The following IL1RAPL2 variants were observed in gnomAD, a reference collection of about 807,000 sequenced individuals.
The protein encoded by IL1RAPL2 is X-linked interleukin-1 receptor accessory protein-like 2.
IL1RAPL2 carries 3 observed loss-of-function variants against 44.1 expected under a neutral mutation model. That is an observed-to-expected ratio of 0.07 (90% CI 0.03 to 0.18). The LOEUF (loss-of-function observed/expected upper bound fraction) is 0.18. Among genes scored for constraint, IL1RAPL2 ranks in the 10% least tolerant of loss-of-function variants. The pLI, the probability that IL1RAPL2 is intolerant of heterozygous loss-of-function variation, is 1.00. For missense variants in IL1RAPL2, 391 were observed against 496.4 expected, an observed-to-expected ratio of 0.79 and a Z score of 2.02; for synonymous variants, 181 against 178.8, an observed-to-expected ratio of 1.01 and a Z score of -0.10.
chrX:105,351,785 TAAA>T (rs988032618), intron 5 of IL1RAPL2, among the ~76,000 whole-genome samples: 7 of 111,029 alleles, frequency 6.3e-5, no homozygotes. Flanking sequence ...ATAATAATAA[TAAA>T]AAAAATCTTG....
chrX:104,950,096 G>T (rs756020489), intron 2 of IL1RAPL2, among the ~76,000 whole-genome samples: 19 of 111,447 alleles, frequency 1.7e-4, no homozygotes, highest in Non-Finnish European at 3.4e-4. Flanking sequence ...TTATGAATCT[G>T]GGTGCTCCTG....
intron 2 of IL1RAPL2, among the ~76,000 whole-genome samples, chrX:104,881,919 A>G (rs1923080552): frequency 8.9e-6 from 1 of 112,062 alleles, no homozygotes; most frequent in Non-Finnish European, 1.9e-5. Flanking sequence ...ACTCACAAAT[A>G]AGTGAACTAA....
chrX:105,281,941 A>C (rs2034535856), intron 5 of IL1RAPL2, among the ~76,000 whole-genome samples: 1 of 111,763 alleles, frequency 8.9e-6, no homozygotes, highest in African/African-American at 3.3e-5. Flanking sequence ...GGTCTAAGAC[A>C]AATTGCTGTT....
chrX:105,363,308 A>ATATATATATATATAATATATT (rs1491419366), intron 5 of IL1RAPL2, among the ~76,000 whole-genome samples: 5 of 68,565 alleles, frequency 7.3e-5, no homozygotes, highest in African/African-American at 6.4e-4. Context: ...ATATATATAT[A>ATATATATATATATAATATATT]ATATATATAT....
intron 3 of IL1RAPL2, chrX:105,219,643 G>C (rs1556177117): frequency 5.0e-6 from 6 of 1,208,491 alleles, no homozygotes; most frequent in Non-Finnish European, 1.1e-6. Context: ...AGCACCAGCA[G>C]CAGCCACCGC....
At chrX:104,658,273 T>A (rs1208417422) in intron 1 of IL1RAPL2, among the ~76,000 whole-genome samples, 2 of 112,365 alleles carry the variant, frequency 1.8e-5, no homozygotes, top group Admixed American at 1.9e-4. Flanking sequence ...CACCATGGAA[T>A]ACTGTGCAGC....
At chrX:105,232,472 A>G (rs1264877526) in intron 3 of IL1RAPL2, among the ~76,000 whole-genome samples, 1 of 111,941 alleles carries the variant, frequency 8.9e-6, no homozygotes, top group Admixed American at 9.5e-5. Context: ...GTATCCCTTG[A>G]TGTTTAAAAC....
chrX:104,592,324 G>A (rs73635148), intron 1 of IL1RAPL2, among the ~76,000 whole-genome samples: 234 of 109,674 alleles, frequency 2.1e-3, no homozygotes, highest in African/African-American at 7.3e-3. Flanking sequence ...GCCTGTACAC[G>A]TCTTCTTCCC....
At chrX:105,593,334 T>C (rs1399767644) in intron 6 of IL1RAPL2, among the ~76,000 whole-genome samples, 1 of 111,939 alleles carries the variant, frequency 8.9e-6, no homozygotes, top group Non-Finnish European at 1.9e-5. Context: ...TATCATTTTA[T>C]TGGATTCATT....
intron 2 of IL1RAPL2, among the ~76,000 whole-genome samples, chrX:104,851,821 A>G (rs1452128486): frequency 8.9e-6 from 1 of 111,940 alleles, no homozygotes; most frequent in Non-Finnish European, 1.9e-5. Context: ...AAGGTCAAAC[A>G]GGATTCTGAT....
chrX:104,923,991 T>A (rs1924710256), intron 2 of IL1RAPL2, among the ~76,000 whole-genome samples: 2 of 102,231 alleles, frequency 2.0e-5, no homozygotes, highest in East Asian at 3.1e-4. Context: ...GGAAAACAAA[T>A]GAGAGAAGGG....
intron 1 of IL1RAPL2, among the ~76,000 whole-genome samples, chrX:104,578,405 A>G (rs1928281146): frequency 1.8e-5 from 2 of 112,140 alleles, no homozygotes; most frequent in African/African-American, 3.2e-5. Context: ...ACATGAAGGC[A>G]GTGATAGAAG....
At chrX:105,613,251 G>A (rs1602489467) in intron 6 of IL1RAPL2, among the ~76,000 whole-genome samples, 1 of 111,446 alleles carries the variant, frequency 9.0e-6, no homozygotes, top group South Asian at 3.8e-4. Context: ...TGCCTTGAAG[G>A]GAAGGACACG....
chrX:104,973,014 T>G (rs1223436899), intron 2 of IL1RAPL2, among the ~76,000 whole-genome samples: 3 of 112,136 alleles, frequency 2.7e-5, no homozygotes, highest in Non-Finnish European at 5.6e-5. Context: ...ATTTAAGTGG[T>G]GGCAGTATTT....
chrX:104,854,323 C>T (rs1257643348), intron 2 of IL1RAPL2, among the ~76,000 whole-genome samples: 1 of 110,930 alleles, frequency 9.0e-6, no homozygotes, highest in Non-Finnish European at 1.9e-5. Context: ...AAAGAAAAGA[C>T]TCATTCAAAA....
At chrX:105,695,926 A>G (rs1012812136) in intron 6 of IL1RAPL2, among the ~76,000 whole-genome samples, 1 of 112,183 alleles carries the variant, frequency 8.9e-6, no homozygotes, top group African/African-American at 3.2e-5. Flanking sequence ...CAATGTCTGC[A>G]TACAATATTC....
At chrX:105,463,528 C>T (rs1471424162) in intron 5 of IL1RAPL2, among the ~76,000 whole-genome samples, 1 of 101,499 alleles carries the variant, frequency 9.9e-6, no homozygotes, top group Non-Finnish European at 2.0e-5. Context: ...GGGCTAGATA[C>T]ACTTCTCTCT....
intron 2 of IL1RAPL2, among the ~76,000 whole-genome samples, chrX:104,725,944 C>T (rs904784395): frequency 9.0e-6 from 1 of 111,379 alleles, no homozygotes; most frequent in South Asian, 3.8e-4. Context: ...GTGTTTTAAT[C>T]GTGAAGTCTT....
At position 104,916,656 on chromosome X, in the gene IL1RAPL2, A is replaced by C. The variant is rs78193319; in HGVS notation, c.82+257661A>C. On this transcript the variant is annotated intron_variant, in intron 2 of 10. Coordinates refer to ENST00000372582, the MANE Select transcript of IL1RAPL2 (RefSeq NM_017416.2). ...ATCCCTGTCTTGTGCCTGTTTTCAA[A>C]GGGAATGCTTCCAGTTTTTGCCCAT... is the stretch of plus-strand genomic sequence containing the variant. Among the ~76,000 whole-genome samples, 4 of 111,540 alleles carry C rather than the reference A, an allele frequency of 3.6e-5. No homozygotes were observed. The South Asian group carries it at 1.5e-3, about 42-fold the overall frequency.
Sources: allele counts gnomAD v4.1 joint callset (sites outside exome capture counted in the v4.1 genomes callset), GRCh38; gene constraint gnomAD v4.1.1; transcripts MANE v1.5; gene names NCBI Gene and HGNC (gene_info 2026-07-23, HGNC 2026-07-21).